Variants in TTC17 observed in about 807,000 individuals in gnomAD.
TTC17 encodes tetratricopeptide repeat protein 17.
In TTC17, 58 loss-of-function variants were observed where a neutral mutation model predicts 143.8. That is an observed-to-expected ratio of 0.40 (90% CI 0.33 to 0.50). The LOEUF (loss-of-function observed/expected upper bound fraction) is 0.50. TTC17 is among the 20% of genes least tolerant of loss of function. TTC17 has a pLI of 0.49. For synonymous variants in TTC17, 501 were observed against 497.8 expected (o/e 1.01, Z -0.09); for missense variants, 1,273 against 1,392.5 (o/e 0.91, Z 1.37).
Position 43,414,664 on chromosome 11 carries a change from A to G in TTC17, c.2139A>G (p.Arg713=), listed in dbSNP as rs767255192. Residue 713 remains arginine (R), a synonymous_variant, in exon 16 of 24, where the codon AGA becomes AGG. Coordinates refer to ENST00000039989, the MANE Select transcript of TTC17 (RefSeq NM_018259.6). ...KNISGALEAF[R]QALKLTTKCP... ...TCAGTGGGGCACTTGAGGCCTTTAG[A>G]CAGGCCTTGAAATTAACCACCAAAT... 19 of 1,613,594 alleles carry G rather than the reference A, an allele frequency of 1.2e-5. No homozygotes were observed. The highest frequency in any genetic ancestry group is 1.3e-5 in the Non-Finnish European group (15 of 1,179,780).
At chr11:43,438,611 GATATT>G (rs1241065580) in intron 16 of TTC17, among the ~76,000 whole-genome samples, 1 of 152,162 alleles carries the variant, frequency 6.6e-6, no homozygotes, top group Non-Finnish European at 1.5e-5. Flanking sequence ...GGCACCCATT[GATATT>G]ACTCATGCAA....
intron 21 of TTC17, among the ~76,000 whole-genome samples, chr11:43,452,941 G>A (rs1022684172): frequency 1.1e-4 from 17 of 151,932 alleles, no homozygotes; most frequent in East Asian, 3.9e-4. Context: ...AAAAAAATTC[G>A]CCTGCATAAA....
Position 43,443,519 on chromosome 11 carries a change from G to A in TTC17, c.2446G>A (p.Asp816Asn), listed in dbSNP as rs1295752040. The A allele has an allele frequency of 6.2e-7, 1 of 1,614,164 alleles. No homozygotes were observed. The highest frequency in any genetic ancestry group is 8.5e-7 in the Non-Finnish European group (1 of 1,180,016). Reference protein sequence around the residue: ...GIRVLKKGPQDGVARSSCYGD... With the variant: ...GIRVLKKGPQNGVARSSCYGD... Reference sequence around the variant, plus strand: ...ACGGGTGCTGAAGAAAGGTCCCCAGGATGGAGTGGCCAGAAGCTCTTGCTA... The same window carrying A: ...ACGGGTGCTGAAGAAAGGTCCCCAGAATGGAGTGGCCAGAAGCTCTTGCTA... Residue 816 changes from aspartate to asparagine, a missense_variant, in exon 17 of 24, where the codon GAT (aspartate) becomes AAT (asparagine). This residue lies in a region of TTC17 where 878 missense variants were observed against 899.8 expected (regional missense o/e 0.98). Coordinates refer to ENST00000039989, the MANE Select transcript of TTC17 (RefSeq NM_018259.6).
chr11:43,444,413 T>A, intron 18 of TTC17: 1 of 411,164 alleles, frequency 2.4e-6, no homozygotes, highest in Non-Finnish European at 4.2e-6. Flanking sequence ...CCAGTGGATT[T>A]AACATTATGT....
chr11:43,412,981 G>GACATACACACAC (rs1011505049), intron 15 of TTC17, among the ~76,000 whole-genome samples: 67 of 140,386 alleles, frequency 4.8e-4, no homozygotes, highest in African/African-American at 1.6e-3. Flanking sequence ...ACCTAGAATA[G>GACATACACACAC]ACACACACAC....
At chr11:43,446,104 G>A (rs1329770837) in intron 18 of TTC17, 3 of 1,448,814 alleles carry the variant, frequency 2.1e-6, no homozygotes, top group Non-Finnish European at 2.7e-6. Flanking sequence ...TGGTGTACAA[G>A]ACCCTTTACA....
intron 21 of TTC17, chr11:43,466,342 A>T (rs1458054634): frequency 6.5e-6 from 1 of 153,540 alleles, no homozygotes; most frequent in African/African-American, 2.4e-5. Flanking sequence ...AAAATGATGC[A>T]GCTGGCTTTG....
intron 16 of TTC17, among the ~76,000 whole-genome samples, chr11:43,430,952 T>A (rs953354354): frequency 1.3e-5 from 2 of 151,946 alleles, no homozygotes; most frequent in Non-Finnish European, 2.9e-5. Flanking sequence ...CACCCCCTGA[T>A]GTGTGATGTT....
chr11:43,483,783 A>G (rs952560539), intron 21 of TTC17, among the ~76,000 whole-genome samples: 1 of 152,222 alleles, frequency 6.6e-6, no homozygotes, highest in Admixed American at 6.5e-5. Flanking sequence ...AAGAAAAAGA[A>G]TGCAGACTAT....
chr11:43,414,550 T>C (rs762449141), intron 15 of TTC17, 40 bp from the exon 16 acceptor site: 35 of 1,573,134 alleles, frequency 2.2e-5, no homozygotes, highest in South Asian at 3.5e-5. Flanking sequence ...CCAGAAAATA[T>C]TAGTTCATTA....
chr11:43,451,178 C>G lies in TTC17; in HGVS notation c.2947-4C>G. On this transcript the variant is annotated splice_polypyrimidine_tract_variant and splice_region_variant and intron_variant, in intron 20 of 23. Coordinates refer to ENST00000039989, the MANE Select transcript of TTC17 (RefSeq NM_018259.6). The stretch of plus-strand genomic sequence containing the variant: ...TTCTAATCTACTATCTTCCTTCCTT[C>G]CAGGTATTACAAAATCTCGGCAAAG... The G allele has an allele frequency of 6.2e-7, 1 of 1,613,056 alleles. No homozygotes were observed. Among genetic ancestry groups the G allele is most frequent in the African/African-American group, 1.3e-5 (1 of 75,012 alleles).
intron 6 of TTC17, 139 bp downstream of exon 6, chr11:43,396,957 C>CAAAAA: frequency 3.0e-6 from 1 of 335,112 alleles, no homozygotes; most frequent in Non-Finnish European, 5.0e-6. Flanking sequence ...AGTCCCACCA[C>CAAAAA]AAAAAAAAAA....
chr11:43,437,263 G>C (rs763151473), intron 16 of TTC17, among the ~76,000 whole-genome samples: 2 of 151,860 alleles, frequency 1.3e-5, no homozygotes, highest in African/African-American at 2.4e-5. Context: ...ACTCACCCAG[G>C]CACCACTGTA....
chr11:43,383,029 A>G (rs1857031411), intron 2 of TTC17, among the ~76,000 whole-genome samples: 1 of 151,428 alleles, frequency 6.6e-6, no homozygotes, highest in African/African-American at 2.4e-5. Flanking sequence ...CCTCTTGTGT[A>G]GCTGGGACCA....
chr11:43,442,942 G>A (rs1382990087), intron 16 of TTC17, among the ~76,000 whole-genome samples: 1 of 152,186 alleles, frequency 6.6e-6, no homozygotes, highest in Non-Finnish European at 1.5e-5. Context: ...CCAGATACTT[G>A]AATAAACCTT....
chr11:43,417,383 G>C (rs1315412803), intron 16 of TTC17, among the ~76,000 whole-genome samples: 1 of 152,030 alleles, frequency 6.6e-6, no homozygotes, highest in Non-Finnish European at 1.5e-5. Context: ...TTTCATGTTT[G>C]CAATATTGAA....
In TTC17 at chr11:43,397,409, C is replaced by G. The variant is rs1191983122; in HGVS notation, c.836C>G (p.Ala279Gly). 1 of 1,613,384 alleles carries G rather than the reference C, an allele frequency of 6.2e-7. No individual in the cohort carries two copies. The highest frequency in any genetic ancestry group is 1.1e-5 in the South Asian group (1 of 91,076). Reference sequence around the variant, plus strand: ...GTTCTACACAGAGCACACTTCTCTGCTGATGCTGCTGTCGTGGTCCATGCA... The same window carrying G: ...GTTCTACACAGAGCACACTTCTCTGGTGATGCTGCTGTCGTGGTCCATGCA... ...ANVLHRAHFS[A>G]DAAVVVHAAL... The change falls in exon 7 of 24, where the codon GCT becomes GGT. Residue 279 changes from alanine (A) to glycine (G), a missense_variant. By Grantham distance (60) the Ala-to-Gly change is moderately conservative. Transcript: ENST00000039989.
intron 3 of TTC17, 78 bp downstream of exon 3, chr11:43,389,899 G>A (rs1485382013): frequency 2.0e-5 from 26 of 1,318,100 alleles, no homozygotes; most frequent in Non-Finnish European, 2.6e-5. Context: ...AATTATTTCT[G>A]TAATAAGGGT....
chr11:43,360,502 T>A (rs866697552), intron 1 of TTC17, among the ~76,000 whole-genome samples: 16 of 152,206 alleles, frequency 1.1e-4, no homozygotes, highest in Admixed American at 3.9e-4. Context: ...ATTAAGTCAC[T>A]CCTGCTGCAT....
Sources: gnomAD v4.1 joint callset for allele counts (sites outside exome capture counted in the v4.1 genomes callset) on GRCh38, gnomAD v4.1.1 for gene constraint, gnomAD v4.1.1 regional missense constraint, MANE v1.5 for transcripts, NCBI Gene and HGNC (gene_info 2026-07-23, HGNC 2026-07-21) for gene names.